ODAD3: variants seen among roughly 807,000 people sequenced by gnomAD.
ODAD3 encodes the protein outer dynein arm docking complex subunit 3.
ODAD3 carries 57 observed loss-of-function variants against 70.9 expected under a neutral mutation model. That is an observed-to-expected ratio of 0.80 (90% CI 0.65 to 1.00). ODAD3 has a LOEUF of 1.00. Among genes scored for constraint, ODAD3 ranks in the 50% least tolerant of loss-of-function variants. The probability of loss-of-function intolerance (pLI) is 0.00; values close to 1 mark genes in which losing one functional copy is unlikely to be tolerated. For synonymous variants in ODAD3, 327 were observed against 315.9 expected, an observed-to-expected ratio of 1.04 and a Z score of -0.37; for missense variants, 797 against 763.9, an observed-to-expected ratio of 1.04 and a Z score of -0.51.
chr19:11,434,412 C>CT, intron 1 of ODAD3: 1 of 164,454 alleles, frequency 6.1e-6, no homozygotes, highest in Non-Finnish European at 1.3e-5. Context: ...GTGGCGTGTG[C>CT]CTGTAGTCCC....
chr19:11,435,758 A>T (rs1969688855), upstream of ODAD3: 1 of 1,367,826 alleles, frequency 7.3e-7, no homozygotes. Context: ...ACAGGGGGCA[A>T]CCGGAGGGTG....
chr19:11,421,916 G>A (rs1055012973), intron 10 of ODAD3, 84 bp from the exon 11 acceptor site: 31 of 1,490,752 alleles, frequency 2.1e-5, no homozygotes, highest in Middle Eastern at 2.5e-4. Flanking sequence ...TTTCTTTCGG[G>A]GGCGGGGCCT....
Position 11,429,869 on chromosome 19 carries a change from G to A in ODAD3, c.444+830C>T, listed in dbSNP as rs1969467588. 2.8e-5 allele frequency among the ~76,000 whole-genome samples: 4 copies of A among 141,074 alleles called. No homozygotes were observed. In the South Asian group the frequency reaches 9.3e-4, roughly 33 times the overall value. The allele number at this position is 141,074 out of a possible 152,430, so 92.6% of individuals were successfully genotyped here. A position where few individuals can be genotyped will look rare whatever the true frequency, so the allele number is the denominator to read the frequency against. On this transcript the variant is annotated intron_variant, in intron 3 of 12. Transcript: ENST00000356392. ...TTTTTTTTTTTTAAAGAAACAGGTT[G>A]TACTGTCACTCAGGCTGGAGTGCAG...
At position 11,430,894 on chromosome 19, in the gene ODAD3, C is replaced by T; in HGVS notation, c.366+5G>A. 1 of 1,614,094 alleles carries T rather than the reference C, an allele frequency of 6.2e-7. No individual in the cohort carries two copies. Among genetic ancestry groups the T allele is most frequent in the Non-Finnish European group, 8.5e-7 (1 of 1,180,006 alleles). ...GAACCCTACACCCACCCCTTTGCCC[C>T]TTACCTTGAGCAGGTCCAGCAGCTT... is the stretch of plus-strand genomic sequence containing the variant. On this transcript the variant is annotated splice_donor_5th_base_variant and intron_variant, in intron 2 of 12. Coordinates refer to ENST00000356392, the MANE Select transcript of ODAD3 (RefSeq NM_145045.5).
intron 7 of ODAD3, among the ~76,000 whole-genome samples, chr19:11,425,373 A>ATGTG (rs1402690458): frequency 2.2e-5 from 3 of 133,366 alleles, no homozygotes; most frequent in Non-Finnish European, 4.5e-5. Context: ...ATATGTGTAT[A>ATGTG]TATGTGTGTA....
chr19:11,434,990 G>A lies in ODAD3; in HGVS notation c.27C>T (p.Ala9=). The part of the protein sequence containing the change: MTSPLCRA[A]SANALPPQDQ... ...CCTGAGGAGGCAGGGCGTTGGCGGA[G>A]GCCGCCCTGCACAGAGGAGATGTCA... Residue 9 remains alanine (A), a synonymous_variant, in exon 1 of 13, where the codon GCC becomes GCT. Transcript: ENST00000356392. The A allele has an allele frequency of 6.2e-7, 1 of 1,612,698 alleles. No individual in the cohort carries two copies. The highest frequency in any genetic ancestry group is 8.5e-7 in the Non-Finnish European group (1 of 1,180,010).
At position 11,423,964 on chromosome 19, in the gene ODAD3, C is replaced by T. The variant is rs370746583; in HGVS notation, c.1029G>A (p.Glu343=). 11 of 1,613,254 alleles carry T rather than the reference C, an allele frequency of 6.8e-6. No individual in the cohort carries two copies. The African/African-American group carries it at 1.2e-4, about 18-fold the overall frequency. ...DTIQDSLHAK[E]EELRQRWSMY... ...TGCTCCAGCGCTGCCGCAGCTCCTC[C>T]TCCTTGGCATGCAGGCTGTCCTGGA... The change falls in exon 8 of 13, where the codon GAG becomes GAA. Residue 343 remains glutamate, a synonymous_variant. Coordinates refer to ENST00000356392, the MANE Select transcript of ODAD3 (RefSeq NM_145045.5).
chr19:11,435,219 T>C (rs868546647), upstream of ODAD3: 5 of 1,415,632 alleles, frequency 3.5e-6, no homozygotes, highest in Middle Eastern at 2.6e-4. Flanking sequence ...TCACCCGCGT[T>C]CCGTGGCTGA....
chr19:11,426,071 G>A (rs1429223872), intron 7 of ODAD3, 73 bp downstream of exon 7: 1 of 1,546,422 alleles, frequency 6.5e-7, no homozygotes, highest in Non-Finnish European at 8.7e-7. Flanking sequence ...CTAGGATGAG[G>A]GAGAGCCAGG....
Position 11,421,197 on chromosome 19 carries a change from C to G in ODAD3, c.1606G>C (p.Glu536Gln), listed in dbSNP as rs201176850. 6.2e-7 allele frequency: 1 copy of G among 1,613,320 alleles called. No homozygotes were observed. The highest frequency in any genetic ancestry group is 1.3e-5 in the African/African-American group (1 of 74,996). The change falls in exon 12 of 13, where the codon GAG (glutamate) becomes CAG (glutamine). Residue 536 changes from glutamate to glutamine, a missense_variant. By Grantham distance (29) the Glu-to-Gln change is conservative (BLOSUM62 2). Coordinates refer to ENST00000356392, the MANE Select transcript of ODAD3 (RefSeq NM_145045.5). The stretch of plus-strand genomic sequence containing the variant: ...GTGTTGTATTCGGGCAGCCTTCCCT[C>G]TAAGCTGGCGAGGAACTAAGCGGGG... ...IANREFLASLEGRLPEYNTRI... is the reference protein window; with the variant it reads ...IANREFLASLQGRLPEYNTRI...
Position 11,422,445 on chromosome 19 carries a change from C to A in ODAD3, c.1434+26G>T. On this transcript the variant is annotated intron_variant, in intron 10 of 12. Transcript: ENST00000356392. The surrounding 1 kb of genome is among the most constrained non-coding windows in gnomAD (Gnocchi z 4.6). ...CCTCTGCGGTCCCAGGAGGGCCTGT[C>A]GGGGCTTCCCCTGGGCGGGGCCTAC... 1 of 1,540,158 alleles carries A rather than the reference C, an allele frequency of 6.5e-7. No individual in the cohort carries two copies. Among genetic ancestry groups the A allele is most frequent in the South Asian group, 1.2e-5 (1 of 82,216 alleles).
intron 7 of ODAD3, among the ~76,000 whole-genome samples, chr19:11,425,105 A>ATATATGTG (rs1159188633): frequency 7.5e-6 from 1 of 133,338 alleles, no homozygotes. Context: ...GTATATATGT[A>ATATATGTG]TATATGTGTA....
At chr19:11,435,182 C>A, upstream of ODAD3, 1 of 1,428,978 alleles carries the variant, frequency 7.0e-7, no homozygotes, top group Non-Finnish European at 9.1e-7. Context: ...ACCGCCTCCC[C>A]GTCTCTCTCC....
chr19:11,420,942 C>T lies in ODAD3; in HGVS notation c.1681G>A (p.Glu561Lys), dbSNP rs1969116617. 4 of 1,613,482 alleles carry T rather than the reference C, an allele frequency of 2.5e-6. No individual in the cohort carries two copies. The highest frequency in any genetic ancestry group is 1.3e-5 in the African/African-American group (1 of 74,830). Residue 561 changes from glutamate to lysine, a missense_variant, in exon 13 of 13, where the codon GAG (glutamate) becomes AAG (lysine). Transcript: ENST00000356392. The part of the protein sequence containing the change: ...ATSKDKFFDE[E>K]SEEEDNEVVT... ...ACCTCGTTGTCCTCCTCCTCACTCTCTTCGTCTAAGGGGGGTGGGGGGATG... is the reference window on the plus strand; with the variant it reads ...ACCTCGTTGTCCTCCTCCTCACTCTTTTCGTCTAAGGGGGGTGGGGGGATG...
intron 7 of ODAD3, among the ~76,000 whole-genome samples, chr19:11,425,643 G>GCATATATGCATATATGCATATATGTA (rs1969348436): frequency 9.4e-5 from 12 of 127,396 alleles, no homozygotes; most frequent in African/African-American, 5.1e-4. Flanking sequence ...GTATATATAT[G>GCATATATGCATATATGCATATATGTA]TATATACGTA....
intron 1 of ODAD3, 52 bp from the exon 2 acceptor site, chr19:11,431,072 G>T (rs1359405931): frequency 6.3e-7 from 1 of 1,599,468 alleles, no homozygotes; most frequent in East Asian, 2.2e-5. Flanking sequence ...GGGTGCATGG[G>T]TGCAACATCC....
chr19:11,423,295 G>A (rs182245380), intron 8 of ODAD3, among the ~76,000 whole-genome samples: 2 of 152,330 alleles, frequency 1.3e-5, no homozygotes, highest in African/African-American at 4.8e-5. Flanking sequence ...ACTCCTATAG[G>A]TGGGAGTCCC....
rs764515233 is a variant in ODAD3, at chr19:11,421,775, T to C, written c.1492A>G (p.Asn498Asp). The C allele has an allele frequency of 2.5e-6, 4 of 1,613,314 alleles. No individual in the cohort carries two copies. In the African/African-American group the frequency reaches 4.0e-5, roughly 16 times the overall value. The change falls in exon 11 of 13, where the codon AAC (asparagine) becomes GAC (aspartate). Residue 498 changes from asparagine to aspartate, a missense_variant. Transcript: ENST00000356392. Reference sequence around the variant, plus strand: ...TTTTCCTCCACGAGGCCCAGCAGGTTTGGCACATAGTTATCTGCCTGGGGA... The same window carrying C: ...TTTTCCTCCACGAGGCCCAGCAGGTCTGGCACATAGTTATCTGCCTGGGGA... ...LDPQADNYVP[N>D]LLGLVEEKLL...
chr19:11,425,153 A>C (rs867077462), intron 7 of ODAD3, among the ~76,000 whole-genome samples: 1 of 128,448 alleles, frequency 7.8e-6, no homozygotes, highest in African/African-American at 3.4e-5. Context: ...GTACATATGT[A>C]TATATACATA....
Sources: gnomAD v4.1 joint callset for allele counts (sites outside exome capture counted in the v4.1 genomes callset) on GRCh38, gnomAD v4.1.1 for gene constraint, Gnocchi (gnomAD v3.1) non-coding constraint, MANE v1.5 for transcripts, NCBI Gene and HGNC (gene_info 2026-07-23, HGNC 2026-07-21) for gene names.